FSTL4: variants seen among roughly 807,000 people sequenced by gnomAD.
The protein encoded by FSTL4 is follistatin like 4.
FSTL4 carries 28 observed loss-of-function variants against 78.2 expected under a neutral mutation model. The observed-to-expected ratio is 0.36, with a 90% CI of 0.27 to 0.49. FSTL4 has a LOEUF of 0.49. FSTL4 is among the 20% of genes least tolerant of loss of function. The pLI is 0.98. For missense variants in FSTL4, 922 were observed against 1,084.9 expected, an observed-to-expected ratio of 0.85 and a Z score of 2.11; for synonymous variants, 422 against 440.5, an observed-to-expected ratio of 0.96 and a Z score of 0.53.
the FSTL4 span, among the ~76,000 whole-genome samples, chr5:133,618,078 T>C: frequency 1.7e-4 from 26 of 152,318 alleles, no homozygotes; most frequent in African/African-American, 6.0e-4. Context: ...TCATGGATAG[T>C]ACTGCACCTG....
rs139468948 is a variant in FSTL4, at chr5:133,471,734, T to A, written c.161-70748A>T. On this transcript the variant is annotated intron_variant, in intron 3 of 15. Transcript: ENST00000265342. ...ATGATCCTAATAGCTTCCAGATAGA[T>A]TAAATGGGTCACCCACAAGGAATAA... Among the ~76,000 whole-genome samples the A allele has an allele frequency of 2.6e-5, 4 of 152,232 alleles. No individual in the cohort carries two copies. In the East Asian group the frequency reaches 7.7e-4, roughly 29 times the overall value.
rs538350621 is a variant in FSTL4 at position 133,574,930 on chromosome 5, C to A, written c.127-7711G>T. ...CTTTGCGAGGATAATGACCGGGGGA[C>A]ACAGAATGGTTTGTGGGATGCTGGA... is the stretch of plus-strand genomic sequence containing the variant. On this transcript the variant is annotated intron_variant, in intron 2 of 15. Coordinates refer to ENST00000265342, the MANE Select transcript of FSTL4 (RefSeq NM_015082.2). 4 of 151,994 alleles carry A rather than the reference C, an allele frequency of 2.6e-5. No homozygotes were observed. In the East Asian group the frequency reaches 7.7e-4, roughly 29 times the overall value. The allele number at this position is 151,994 out of a possible 1,614,324, so 9.4% of individuals were successfully genotyped here. A position where few individuals can be genotyped will look rare whatever the true frequency, so the allele number is the denominator to read the frequency against.
Position 133,569,600 on chromosome 5 carries a change from A to G in FSTL4, c.127-2381T>C, listed in dbSNP as rs141712094. ...CTGTAGCAGAACAGATGCTCAATAC[A>G]TATTTGTTGAATAAAAAATAAAATA... On this transcript the variant is annotated intron_variant, in intron 2 of 15. Transcript: ENST00000265342. 2.1e-3 allele frequency among the ~76,000 whole-genome samples: 319 copies of G among 152,272 alleles called. 2 individuals carry two copies. The highest frequency in any genetic ancestry group is 0.01 in the Middle Eastern group (3 of 294).
intron 3 of FSTL4, among the ~76,000 whole-genome samples, chr5:133,494,419 A>C (rs1286029851): frequency 6.6e-6 from 1 of 151,896 alleles, no homozygotes; most frequent in Non-Finnish European, 1.5e-5. Flanking sequence ...AAGCTTTCCA[A>C]GTCTAGCATC....
chr5:133,582,236 G>C (rs1760429368), intron 2 of FSTL4, among the ~76,000 whole-genome samples: 1 of 152,082 alleles, frequency 6.6e-6, no homozygotes, highest in Non-Finnish European at 1.5e-5. Flanking sequence ...ATGGAGAATG[G>C]GGCCACTGGG....
At chr5:133,323,948 A>G (rs1202779324) in intron 4 of FSTL4, among the ~76,000 whole-genome samples, 1 of 152,164 alleles carries the variant, frequency 6.6e-6, no homozygotes, top group East Asian at 1.9e-4. Flanking sequence ...TGAAGATTCT[A>G]ATGTTCTCTC....
intron 6 of FSTL4, among the ~76,000 whole-genome samples, chr5:133,282,757 G>C (rs1753038805): frequency 6.6e-6 from 1 of 152,098 alleles, no homozygotes; most frequent in Admixed American, 6.5e-5. Flanking sequence ...CCTCACCTGG[G>C]CTCAGCCCCA....
chr5:133,524,136 T>C (rs1025605208), intron 3 of FSTL4, among the ~76,000 whole-genome samples: 3 of 152,034 alleles, frequency 2.0e-5, no homozygotes, highest in African/African-American at 7.2e-5. Context: ...AGCAGGTGTG[T>C]CCTGCTTGAG....
At chr5:133,555,844 C>A (rs1273645957) in intron 3 of FSTL4, among the ~76,000 whole-genome samples, 1 of 152,174 alleles carries the variant, frequency 6.6e-6, no homozygotes, top group East Asian at 1.9e-4. Context: ...ATGAAGCAGC[C>A]AAGCAGCTGG....
Position 133,426,616 on chromosome 5 carries a change from G to T in FSTL4, c.161-25630C>A, listed in dbSNP as rs201354508. Among the ~76,000 whole-genome samples, 7 of 152,296 alleles carry T rather than the reference G, an allele frequency of 4.6e-5. No homozygotes were observed. The East Asian group carries it at 1.4e-3, about 29-fold the overall frequency. ...CGGCATTGTGCATTCTGGCAGGGTG[G>T]ATCACTGGGTGGCTGGGGAGTGGAG... On this transcript the variant is annotated intron_variant, in intron 3 of 15. Coordinates refer to ENST00000265342, the MANE Select transcript of FSTL4 (RefSeq NM_015082.2). This position sits in a 1 kb window ranked among gnomAD's most constrained non-coding sequence, Gnocchi z 5.0.
At chr5:133,530,374 G>A (rs1221728499) in intron 3 of FSTL4, among the ~76,000 whole-genome samples, 1 of 152,184 alleles carries the variant, frequency 6.6e-6, no homozygotes, top group Non-Finnish European at 1.5e-5. Flanking sequence ...CTGGACTCCA[G>A]GTGCCCACCT....
rs186449378 is a variant in FSTL4, at chr5:133,233,320, C to A, written c.1015+97G>T. 4 of 1,358,414 alleles carry A rather than the reference C, an allele frequency of 2.9e-6. No individual in the cohort carries two copies. The East Asian group carries it at 6.9e-5, about 24-fold the overall frequency. The allele number at this position is 1,358,414 out of a possible 1,614,324, so 84.1% of individuals were successfully genotyped here. Reference sequence around the variant, plus strand: ...TGATATATTTTGGGGTTAGATATTTCTTTAAGAAGACAGAATACAGGAGGG... The same window carrying A: ...TGATATATTTTGGGGTTAGATATTTATTTAAGAAGACAGAATACAGGAGGG... On this transcript the variant is annotated intron_variant, in intron 8 of 15. Coordinates refer to ENST00000265342, the MANE Select transcript of FSTL4 (RefSeq NM_015082.2).
intron 4 of FSTL4, among the ~76,000 whole-genome samples, chr5:133,378,380 G>A (rs1424302476): frequency 1.3e-5 from 2 of 152,154 alleles, no homozygotes; most frequent in Non-Finnish European, 2.9e-5. Flanking sequence ...AAGGATGTAG[G>A]TGGGTGCAAA....
At chr5:133,617,298 CAAAAAAAA>C (rs145317097), upstream of FSTL4, among the ~76,000 whole-genome samples, 1 of 61,916 alleles carries the variant, frequency 1.6e-5, no homozygotes, top group Non-Finnish European at 3.0e-5. Context: ...GACTCCATCT[CAAAAAAAA>C]AAAAAAAAAA....
At chr5:133,239,179 G>T (rs112893591) in intron 7 of FSTL4, among the ~76,000 whole-genome samples, 1 of 151,294 alleles carries the variant, frequency 6.6e-6, no homozygotes, top group Non-Finnish European at 1.5e-5. Flanking sequence ...CTGCCTCCCT[G>T]CGGGGCAAGG....
At chr5:133,221,891 G>GTTTTTTT (rs59400068) in intron 11 of FSTL4, among the ~76,000 whole-genome samples, 9 of 43,356 alleles carry the variant, frequency 2.1e-4, no homozygotes, top group African/African-American at 4.3e-4. Context: ...CTCTTTTCTA[G>GTTTTTTT]TTTTTTTTTT....
intron 3 of FSTL4, among the ~76,000 whole-genome samples, chr5:133,526,759 G>A (rs1759109578): frequency 6.6e-6 from 1 of 152,132 alleles, no homozygotes; most frequent in South Asian, 2.1e-4. Context: ...AGTAGCAGGA[G>A]GAGATGGGAT....
intron 6 of FSTL4, among the ~76,000 whole-genome samples, chr5:133,309,775 G>A (rs1239928610): frequency 1.3e-5 from 2 of 152,184 alleles, no homozygotes; most frequent in Admixed American, 6.5e-5. Flanking sequence ...ACTCCGCATC[G>A]GTAGGCTACT....
At chr5:133,700,462 C>A in the FSTL4 span, among the ~76,000 whole-genome samples, 24 of 152,034 alleles carry the variant, frequency 1.6e-4, no homozygotes, top group Non-Finnish European at 8.8e-5. Flanking sequence ...TCACACCAAG[C>A]CACCACACCA....
Sources: gnomAD v4.1 joint callset for allele counts (sites outside exome capture counted in the v4.1 genomes callset) on GRCh38, gnomAD v4.1.1 for gene constraint, Gnocchi (gnomAD v3.1) non-coding constraint, MANE v1.5 for transcripts, NCBI Gene and HGNC (gene_info 2026-07-23, HGNC 2026-07-21) for gene names.